The following XIRP2 variants were observed in gnomAD, a reference collection of about 807,000 sequenced individuals.
The protein encoded by XIRP2 is xin actin binding repeat containing 2.
Under a neutral mutation model 277.0 loss-of-function variants are expected in XIRP2, and 236 were observed. The observed-to-expected ratio is 0.85, with a 90% CI of 0.77 to 0.95. The LOEUF (loss-of-function observed/expected upper bound fraction) is 0.95, where lower values mean the gene tolerates loss of function less well. XIRP2 is among the 40% of genes least tolerant of loss of function. The pLI is 0.00. For synonymous variants in XIRP2, 1,490 were observed against 1,416.5 expected (o/e 1.05, Z -1.17); for missense variants, 4,640 against 4,157.5 (o/e 1.12, Z -3.19).
Position 167,212,985 on chromosome 2 carries a change from C to G in XIRP2, c.723+2090C>G, listed in dbSNP as rs966839254. On this transcript the variant is annotated intron_variant, in intron 4 of 10. Coordinates refer to ENST00000409195, the MANE Select transcript of XIRP2 (RefSeq NM_152381.6). ...ACTAAATCTGTATCTCCACAATTAA[C>G]CCAAAATTTTAAGTGCAAAATCTGA... Among the ~76,000 whole-genome samples the G allele has an allele frequency of 2.1e-5, 3 of 140,238 alleles. No individual in the cohort carries two copies. In the East Asian group the frequency reaches 6.6e-4, roughly 31 times the overall value. The allele number at this position is 140,238 out of a possible 152,430, so 92.0% of individuals were successfully genotyped here.
intron 2 of XIRP2, among the ~76,000 whole-genome samples, chr2:167,003,420 A>G (rs1687423315): frequency 6.6e-6 from 1 of 151,892 alleles, no homozygotes. Context: ...GAAACCTTCA[A>G]AGAAGAGAAG....
At chr2:167,090,995 T>C (rs1281077067) in intron 2 of XIRP2, among the ~76,000 whole-genome samples, 2 of 152,138 alleles carry the variant, frequency 1.3e-5, no homozygotes. Flanking sequence ...TAAAGAATGA[T>C]ATCTTCAATA....
At chr2:167,120,091 G>T (rs556768184) in intron 2 of XIRP2, among the ~76,000 whole-genome samples, 1 of 152,160 alleles carries the variant, frequency 6.6e-6, no homozygotes, top group Admixed American at 6.6e-5. Flanking sequence ...CCTCCGTCAC[G>T]GTGGGGCTGG....
chr2:166,927,155 C>T (rs1574084673), intron 2 of XIRP2, among the ~76,000 whole-genome samples: 3 of 151,930 alleles, frequency 2.0e-5, no homozygotes, highest in East Asian at 3.9e-4. Context: ...CATTCTAGGG[C>T]TTACAATTAA....
At chr2:166,935,914 T>C (rs1217206495) in intron 2 of XIRP2, among the ~76,000 whole-genome samples, 1 of 152,206 alleles carries the variant, frequency 6.6e-6, no homozygotes, top group African/African-American at 2.4e-5. Flanking sequence ...TTGTAATCAT[T>C]TGGGTATATA....
intron 3 of XIRP2, among the ~76,000 whole-genome samples, chr2:167,141,365 T>C (rs1376487890): frequency 6.6e-6 from 1 of 151,932 alleles, no homozygotes; most frequent in African/African-American, 2.4e-5. Context: ...CATCAATGAA[T>C]GAAAGACAAA....
chr2:167,134,246 G>C (rs1165342394), intron 2 of XIRP2, among the ~76,000 whole-genome samples: 1 of 146,336 alleles, frequency 6.8e-6, no homozygotes, highest in Non-Finnish European at 1.5e-5. Context: ...TTATATATTT[G>C]TGTGAATATA....
At chr2:166,987,862 G>GTT (rs1687049113) in intron 2 of XIRP2, among the ~76,000 whole-genome samples, 1 of 152,166 alleles carries the variant, frequency 6.6e-6, no homozygotes, top group Non-Finnish European at 1.5e-5. Flanking sequence ...AATAAGGTAA[G>GTT]TATCCATGCA....
intron 2 of XIRP2, among the ~76,000 whole-genome samples, chr2:167,070,996 T>C (rs1487952020): frequency 6.6e-6 from 1 of 152,214 alleles, no homozygotes; most frequent in Admixed American, 6.5e-5. Flanking sequence ...TTATCACTGA[T>C]ATTTTATAAC....
chr2:167,258,058 C>T lies in XIRP2; in HGVS notation c.*241C>T, dbSNP rs1258261200. On this transcript the variant is annotated 3_prime_UTR_variant, in exon 11 of 11. Transcript: ENST00000409195. The stretch of plus-strand genomic sequence containing the variant: ...TGTGTAAAAATATTGCAGAAAACAC[C>T]CTTGTACCTGGAGATCGTAATGAAC... The T allele has an allele frequency of 1.9e-6, 3 of 1,612,940 alleles. No individual in the cohort carries two copies. Among genetic ancestry groups the T allele is most frequent in the Non-Finnish European group, 2.5e-6 (3 of 1,179,490 alleles).
At chr2:167,057,230 G>C (rs1188968297) in intron 2 of XIRP2, among the ~76,000 whole-genome samples, 1 of 152,178 alleles carries the variant, frequency 6.6e-6, no homozygotes, top group Non-Finnish European at 1.5e-5. Flanking sequence ...AATTAGGCAA[G>C]AAGCTATTTT....
chr2:167,189,810 C>T (rs1025315595), intron 3 of XIRP2, among the ~76,000 whole-genome samples: 14 of 152,116 alleles, frequency 9.2e-5, no homozygotes, highest in Non-Finnish European at 1.9e-4. Flanking sequence ...CAATTCAGTT[C>T]GGACACTAGG....
chr2:166,925,694 T>A (rs1323644921), intron 2 of XIRP2, among the ~76,000 whole-genome samples: 1 of 149,658 alleles, frequency 6.7e-6, no homozygotes, highest in Non-Finnish European at 1.5e-5. Context: ...ATATCACAAT[T>A]TATCTTAGTG....
Position 167,246,098 on chromosome 2 carries a change from G to A in XIRP2, c.4706G>A (p.Gly1569Glu). The change falls in exon 9 of 11, where the codon GGA becomes GAA. Residue 1569 changes from glycine (G) to glutamate (E), a missense_variant. By Grantham distance (98) the Gly-to-Glu change is moderately conservative (BLOSUM62 -2). Coordinates refer to ENST00000409195, the MANE Select transcript of XIRP2 (RefSeq NM_152381.6). ...TCTCAAAAAGTTATCCAGGCTCCTG[G>A]AATCATCATTGAAGCTGATGAAATA... is the stretch of plus-strand genomic sequence containing the variant. The part of the protein sequence containing the change: ...LYSQKVIQAP[G>E]IIIEADEIGD... 1 of 1,613,572 alleles carries A rather than the reference G, an allele frequency of 6.2e-7. No individual in the cohort carries two copies. The highest frequency in any genetic ancestry group is 8.5e-7 in the Non-Finnish European group (1 of 1,179,752).
intron 3 of XIRP2, among the ~76,000 whole-genome samples, chr2:167,183,605 ATTTTAATTTTCT>A (rs1693077764): frequency 6.6e-6 from 1 of 151,970 alleles, no homozygotes; most frequent in African/African-American, 2.4e-5. Context: ...TGATTTTGTC[ATTTTAATTTTCT>A]CATGAAATTC....
chr2:167,251,520 T>G lies in XIRP2; in HGVS notation c.10128T>G (p.Phe3376Leu), dbSNP rs1395897432. 6.2e-7 allele frequency: 1 copy of G among 1,613,544 alleles called. No individual in the cohort carries two copies. The highest frequency in any genetic ancestry group is 2.2e-5 in the East Asian group (1 of 44,840). ...QESRTFCKEE[F>L]GLTSLGNTSF... ...GTCGTACATTTTGTAAGGAGGAATTTGGATTAACATCTTTAGGAAACACGA... is the reference window on the plus strand; with the variant it reads ...GTCGTACATTTTGTAAGGAGGAATTGGGATTAACATCTTTAGGAAACACGA... The change falls in exon 9 of 11, where the codon TTT becomes TTG. Residue 3376 changes from phenylalanine to leucine, a missense_variant. By Grantham distance (22) the Phe-to-Leu change is conservative. Transcript: ENST00000409195.
chr2:167,242,787 T>A lies in XIRP2; in HGVS notation c.1395T>A (p.Asp465Glu), dbSNP rs745479564. Residue 465 changes from aspartate (D) to glutamate (E), a missense_variant, in exon 9 of 11, where the codon GAT becomes GAA. Transcript: ENST00000409195. Reference sequence around the variant, plus strand: ...CTGACGTACTTCAAACTTCAGTAGATGTGACAGCATTTTCCCAGTCCCCTG... The same window carrying A: ...CTGACGTACTTCAAACTTCAGTAGAAGTGACAGCATTTTCCCAGTCCCCTG... ...PPPDVLQTSV[D>E]VTAFSQSPEL... The A allele has an allele frequency of 2.5e-6, 4 of 1,614,066 alleles. No individual in the cohort carries two copies. In the South Asian group the frequency reaches 4.4e-5, roughly 18 times the overall value.
At chr2:167,161,456 A>C (rs1485571499) in intron 3 of XIRP2, among the ~76,000 whole-genome samples, 2 of 152,172 alleles carry the variant, frequency 1.3e-5, no homozygotes, top group African/African-American at 4.8e-5. Context: ...AAGGTTCCCA[A>C]ACCCCAATTC....
At chr2:167,105,233 C>A (rs1690587081) in intron 2 of XIRP2, among the ~76,000 whole-genome samples, 1 of 151,906 alleles carries the variant, frequency 6.6e-6, no homozygotes, top group Admixed American at 6.6e-5. Flanking sequence ...CCAGTATTCG[C>A]ATTGATACAG....
Sources: allele counts gnomAD v4.1 joint callset (sites outside exome capture counted in the v4.1 genomes callset), GRCh38; gene constraint gnomAD v4.1.1; transcripts MANE v1.5; gene names NCBI Gene and HGNC (gene_info 2026-07-23, HGNC 2026-07-21).